The following VPS50 variants were observed in gnomAD, a reference collection of about 807,000 sequenced individuals.
The protein encoded by VPS50 is VPS50 subunit of EARP/GARPII complex.
VPS50 carries 70 observed loss-of-function variants against 139.7 expected under a neutral mutation model. That is an observed-to-expected ratio of 0.50 (90% CI 0.41 to 0.61). The LOEUF is 0.61. Among genes scored for constraint, VPS50 ranks in the 20% least tolerant of loss-of-function variants. The probability of loss-of-function intolerance (pLI) is 0.00; values close to 1 mark genes in which losing one functional copy is unlikely to be tolerated. For missense variants in VPS50, 921 were observed against 1,133.7 expected (o/e 0.81, Z 2.69); for synonymous variants, 365 against 376.7 (o/e 0.97, Z 0.36).
intron 14 of VPS50, among the ~76,000 whole-genome samples, chr7:93,295,805 G>T (rs1020444258): frequency 6.6e-6 from 1 of 151,958 alleles, no homozygotes; most frequent in Non-Finnish European, 1.5e-5. Context: ...GCCCAGTGCA[G>T]CCTCGACCTC....
chr7:93,328,473 GT>G (rs1797846202), intron 21 of VPS50, among the ~76,000 whole-genome samples: 1 of 152,102 alleles, frequency 6.6e-6, no homozygotes, highest in Admixed American at 6.5e-5. Flanking sequence ...CCAATTCCGG[GT>G]ATGACAGACT....
chr7:93,338,339 A>C (rs1223886182), intron 22 of VPS50, among the ~76,000 whole-genome samples: 1 of 152,206 alleles, frequency 6.6e-6, no homozygotes, highest in Non-Finnish European at 1.5e-5. Context: ...ATTTAACATC[A>C]GATTGTGTTG....
At chr7:93,250,215 T>C (rs907678242) in intron 2 of VPS50, among the ~76,000 whole-genome samples, 6 of 152,192 alleles carry the variant, frequency 3.9e-5, no homozygotes, top group African/African-American at 1.2e-4. Flanking sequence ...ACAGTCAACA[T>C]TTTCTTGAGT....
chr7:93,344,051 C>A (rs1455519385), intron 23 of VPS50, among the ~76,000 whole-genome samples: 5 of 152,112 alleles, frequency 3.3e-5, no homozygotes, highest in East Asian at 1.9e-4. Context: ...GATAAAGAGT[C>A]AAGACCCATC....
chr7:93,262,211 A>G (rs868559422), intron 9 of VPS50, among the ~76,000 whole-genome samples: 3 of 152,192 alleles, frequency 2.0e-5, no homozygotes, highest in African/African-American at 7.2e-5. Flanking sequence ...CAGGAAATTG[A>G]GGGAGCAGGT....
chr7:93,283,306 C>G (rs1008683071), intron 12 of VPS50, among the ~76,000 whole-genome samples: 4 of 150,918 alleles, frequency 2.7e-5, no homozygotes, highest in African/African-American at 7.3e-5. Context: ...TGGCTCGTTG[C>G]AACCTCCACC....
chr7:93,297,947 C>G (rs1796859445), intron 16 of VPS50, among the ~76,000 whole-genome samples: 1 of 152,030 alleles, frequency 6.6e-6, no homozygotes, highest in African/African-American at 2.4e-5. Flanking sequence ...TGAACTTTTA[C>G]TTTTTACAAT....
intron 1 of VPS50, among the ~76,000 whole-genome samples, chr7:93,234,933 T>G (rs1794752659): frequency 7.7e-6 from 1 of 129,316 alleles, no homozygotes; most frequent in Non-Finnish European, 1.5e-5. Context: ...CAGGTACTAT[T>G]CTAAGTAAAA....
intron 26 of VPS50, 24 bp from the exon 27 acceptor site, chr7:93,355,864 ATTT>A (rs374667557): frequency 7.4e-7 from 1 of 1,358,592 alleles, no homozygotes; most frequent in Non-Finnish European, 1.0e-6. Flanking sequence ...CCTATAATGT[ATTT>A]TTTTTTATTG....
At chr7:93,257,121 C>G (rs974709286) in intron 5 of VPS50, among the ~76,000 whole-genome samples, 1 of 151,934 alleles carries the variant, frequency 6.6e-6, no homozygotes, top group African/African-American at 2.4e-5. Context: ...TTGTTTATTC[C>G]TGTCTACAAG....
chr7:93,242,402 A>G (rs1298148313), intron 2 of VPS50, among the ~76,000 whole-genome samples: 1 of 151,904 alleles, frequency 6.6e-6, no homozygotes, highest in African/African-American at 2.4e-5. Flanking sequence ...TTATAATGGT[A>G]TTATAAGTTA....
chr7:93,315,098 TCTC>T (rs984900990), intron 20 of VPS50, among the ~76,000 whole-genome samples: 3 of 152,132 alleles, frequency 2.0e-5, no homozygotes, highest in Non-Finnish European at 2.9e-5. Context: ...ATATCTCCTC[TCTC>T]CTATTTTTTT....
intron 9 of VPS50, among the ~76,000 whole-genome samples, chr7:93,265,293 G>A (rs534649015): frequency 6.6e-6 from 1 of 152,214 alleles, no homozygotes; most frequent in African/African-American, 2.4e-5. Flanking sequence ...TAAAAGGCCC[G>A]ATAGTAAATA....
Position 93,247,945 on chromosome 7 carries a change from G to C in VPS50, c.103-4708G>C, listed in dbSNP as rs901856285. Among the ~76,000 whole-genome samples, 4 of 151,754 alleles carry C rather than the reference G, an allele frequency of 2.6e-5. No homozygotes were observed. The East Asian group carries it at 7.8e-4, about 29-fold the overall frequency. On this transcript the variant is annotated intron_variant, in intron 2 of 27. Coordinates refer to ENST00000305866, the MANE Select transcript of VPS50 (RefSeq NM_017667.4). ...GTTTTTTTCTCCAGCTTTAATTCTG[G>C]GGTAATGCTGATAATACTTTTTGCT...
At chr7:93,258,672 TTAACATCTTTTTCATC>T (rs1249832335) in intron 8 of VPS50, among the ~76,000 whole-genome samples, 3 of 152,052 alleles carry the variant, frequency 2.0e-5, no homozygotes, top group African/African-American at 7.2e-5. Context: ...GCAATAAAAA[TTAACATCTTTTTCATC>T]TAACATATAG....
intron 2 of VPS50, among the ~76,000 whole-genome samples, chr7:93,242,717 G>A (rs533232426): frequency 2.0e-5 from 3 of 151,946 alleles, no homozygotes; most frequent in African/African-American, 7.2e-5. Flanking sequence ...TTCAGGAATC[G>A]GCTCCTTTCT....
At chr7:93,244,996 C>T (rs1465912066) in intron 2 of VPS50, among the ~76,000 whole-genome samples, 1 of 151,780 alleles carries the variant, frequency 6.6e-6, no homozygotes, top group Non-Finnish European at 1.5e-5. Flanking sequence ...ACTTATGGAA[C>T]CAGGCAGTTA....
chr7:93,344,525 T>C (rs1169207851), intron 23 of VPS50, among the ~76,000 whole-genome samples: 4 of 152,154 alleles, frequency 2.6e-5, no homozygotes, highest in Non-Finnish European at 4.4e-5. Flanking sequence ...CAACAGAACA[T>C]ACATTTTTTG....
rs559658916 is a variant in VPS50 at position 93,326,877 on chromosome 7, A to C, written c.1977+3145A>C. ...GTGATCACAAGTATGTCAAAGACATAATCATTTTATATAGGACCTGAATTT... is the reference window on the plus strand; with the variant it reads ...GTGATCACAAGTATGTCAAAGACATCATCATTTTATATAGGACCTGAATTT... On this transcript the variant is annotated intron_variant, in intron 21 of 27. Coordinates refer to ENST00000305866, the MANE Select transcript of VPS50 (RefSeq NM_017667.4). Among the ~76,000 whole-genome samples, 3 of 152,320 alleles carry C rather than the reference A, an allele frequency of 2.0e-5. No individual in the cohort carries two copies. In the South Asian group the frequency reaches 6.2e-4, roughly 32 times the overall value.
Sources: gnomAD v4.1 joint callset for allele counts (sites outside exome capture counted in the v4.1 genomes callset) on GRCh38, gnomAD v4.1.1 for gene constraint, MANE v1.5 for transcripts, NCBI Gene and HGNC (gene_info 2026-07-23, HGNC 2026-07-21) for gene names.